The following LMNB2 variants were observed in gnomAD, a reference collection of about 807,000 sequenced individuals.
LMNB2 encodes lamin B2.
Under a neutral mutation model 69.3 loss-of-function variants are expected in LMNB2, and 17 were observed. The observed-to-expected ratio is 0.25, with a 90% CI of 0.17 to 0.37. The LOEUF is 0.37. Ranked by LOEUF, LMNB2 falls within the 10% of genes least tolerant of loss-of-function variation. LMNB2 has a pLI of 1.00. For synonymous variants in LMNB2, 397 were observed against 389.3 expected, an observed-to-expected ratio of 1.02 and a Z score of -0.23; for missense variants, 789 against 883.6, an observed-to-expected ratio of 0.89 and a Z score of 1.36.
chr19:2,441,352 T>C (rs1971898461), intron 2 of LMNB2, among the ~76,000 whole-genome samples: 1 of 152,202 alleles, frequency 6.6e-6, no homozygotes, highest in African/African-American at 2.4e-5. Context: ...CTGCTTGCTT[T>C]TGAGAGGCGT....
rs1972097654 is a variant in LMNB2, at chr19:2,456,876, T to C, written c.58A>G (p.Thr20Ala). 9.0e-7 allele frequency: 1 copy of C among 1,115,878 alleles called. No homozygotes were observed. Among genetic ancestry groups the C allele is most frequent in the Non-Finnish European group, 1.1e-6 (1 of 916,718 alleles). The allele number at this position is 1,115,878 out of a possible 1,614,324, so 69.1% of individuals were successfully genotyped here. The change falls in exon 1 of 12, where the codon ACC (threonine) becomes GCC (alanine). Residue 20 changes from threonine (T) to alanine (A), a missense_variant. By Grantham distance (58) the Thr-to-Ala change is moderately conservative. Transcript: ENST00000325327. The part of the protein sequence containing the change: ...REQRRPRAAA[T>A]MATPLPGRAG... ...CGGCCGGGCAGCGGCGTGGCCATGG[T>C]GGCGGCGGCTCGCGGCCTGCGCTGC...
chr19:2,446,834 A>G (rs1971961615), intron 1 of LMNB2, among the ~76,000 whole-genome samples: 1 of 152,148 alleles, frequency 6.6e-6, no homozygotes, highest in Admixed American at 6.6e-5. Flanking sequence ...ATTCACATCC[A>G]TGCATGTTTG....
intron 2 of LMNB2, among the ~76,000 whole-genome samples, chr19:2,442,589 T>TA (rs1039856780): frequency 5.9e-5 from 9 of 151,862 alleles, no homozygotes; most frequent in Non-Finnish European, 8.8e-5. Flanking sequence ...AAATAAAAAA[T>TA]AAAAAAAATT....
intron 2 of LMNB2, among the ~76,000 whole-genome samples, chr19:2,439,174 G>A (rs534631071): frequency 4.7e-5 from 7 of 149,754 alleles, no homozygotes; most frequent in East Asian, 2.0e-4. Context: ...GCGAGCCACC[G>A]CGTACGGCTG....
intron 1 of LMNB2, among the ~76,000 whole-genome samples, chr19:2,450,687 G>T (rs1391070284): frequency 6.6e-6 from 1 of 152,016 alleles, no homozygotes; most frequent in Non-Finnish European, 1.5e-5. Flanking sequence ...GCCCAGGCTG[G>T]AGTGCAGTGG....
At chr19:2,448,284 C>A (rs1971981612) in intron 1 of LMNB2, among the ~76,000 whole-genome samples, 1 of 152,182 alleles carries the variant, frequency 6.6e-6, no homozygotes, top group South Asian at 2.1e-4. Flanking sequence ...TCCCAAATAC[C>A]CCTAACCTCA....
chr19:2,456,210 T>C (rs1167959879), intron 1 of LMNB2, among the ~76,000 whole-genome samples: 1 of 144,078 alleles, frequency 6.9e-6, no homozygotes, highest in Non-Finnish European at 1.5e-5. Context: ...GCATCCCAGC[T>C]CAGGGTTCCC....
intron 8 of LMNB2, among the ~76,000 whole-genome samples, chr19:2,433,116 G>A (rs79021074): frequency 2.4e-5 from 3 of 126,320 alleles, no homozygotes; most frequent in African/African-American, 6.1e-5. Context: ...GCATTGGCCG[G>A]CGGCCCCGTC....
Position 2,456,917 on chromosome 19 carries a change from G to A in LMNB2, c.17C>T (p.Pro6Leu). 2.0e-6 allele frequency: 2 copies of A among 994,330 alleles called. No individual in the cohort carries two copies. Among genetic ancestry groups the A allele is most frequent in the Non-Finnish European group, 2.4e-6 (2 of 837,844 alleles). The allele number at this position is 994,330 out of a possible 1,614,324, so 61.6% of individuals were successfully genotyped here. A position where few individuals can be genotyped will look rare whatever the true frequency, so the allele number is the denominator to read the frequency against. ...CCTGCGCTGCTCCCGACGGCGGCCC[G>A]GGCTCGGCGGGCTCATTCAATCCGC... MSPPS[P>L]GRRREQRRPR... Residue 6 changes from proline to leucine, a missense_variant, in exon 1 of 12, where the codon CCG becomes CTG. Physicochemically the swap from Pro to Leu is moderately conservative, Grantham distance 98. Coordinates refer to ENST00000325327, the MANE Select transcript of LMNB2 (RefSeq NM_032737.4).
intron 6 of LMNB2, 34 bp downstream of exon 6, chr19:2,434,754 G>C (rs1254870759): frequency 6.3e-7 from 1 of 1,585,160 alleles, no homozygotes; most frequent in South Asian, 1.1e-5. Context: ...AGTTGGGCCA[G>C]GGGGACGGCA....
chr19:2,439,984 C>A (rs905767571), intron 2 of LMNB2, among the ~76,000 whole-genome samples: 1 of 151,766 alleles, frequency 6.6e-6, no homozygotes. Context: ...CTGCCCGCCT[C>A]GGCCTCCAAA....
chr19:2,430,764 G>A lies in LMNB2; in HGVS notation c.*147C>T, dbSNP rs1432612547. On this transcript the variant is annotated 3_prime_UTR_variant, in exon 12 of 12. Transcript: ENST00000325327. ...AGGCTGGAGGAGACCCGCCAGGAGGGAGGGCTGGGGGAGACCCACCCACAC... is the reference window on the plus strand; with the variant it reads ...AGGCTGGAGGAGACCCGCCAGGAGGAAGGGCTGGGGGAGACCCACCCACAC... The A allele has an allele frequency of 2.7e-6, 2 of 727,292 alleles. No individual in the cohort carries two copies. Among genetic ancestry groups the A allele is most frequent in the East Asian group, 5.3e-5 (2 of 37,900 alleles). The allele number at this position is 727,292 out of a possible 1,614,324, so 45.1% of individuals were successfully genotyped here.
chr19:2,456,146 T>G (rs1263435549), intron 1 of LMNB2, among the ~76,000 whole-genome samples: 1 of 148,304 alleles, frequency 6.7e-6, no homozygotes, highest in Non-Finnish European at 1.5e-5. Context: ...CACCTTTCAC[T>G]CAGGGACTCT....
In LMNB2 at chr19:2,433,874, C is replaced by A. The variant is rs1317586350; in HGVS notation, c.1434G>T (p.Glu478Asp). The change falls in exon 8 of 12, where the codon GAG (glutamate) becomes GAT (aspartate). Residue 478 changes from glutamate (E) to aspartate (D), a missense_variant. Physicochemically the swap from Glu to Asp is conservative, Grantham distance 45. This residue lies in a region of LMNB2 where 609 missense variants were observed against 630.9 expected (regional missense o/e 0.97). Coordinates refer to ENST00000325327, the MANE Select transcript of LMNB2 (RefSeq NM_032737.4). Reference protein sequence around the residue: ...ASASGSVSIEEIDLEGKFVQL... With the variant: ...ASASGSVSIEDIDLEGKFVQL... ...GCACAAACTTGCCCTCCAGGTCGATCTCCTCGATGCTGACGCTACCCGAGG... is the reference window on the plus strand; with the variant it reads ...GCACAAACTTGCCCTCCAGGTCGATATCCTCGATGCTGACGCTACCCGAGG... The A allele has an allele frequency of 1.2e-6, 2 of 1,613,244 alleles. No individual in the cohort carries two copies. The highest frequency in any genetic ancestry group is 1.7e-6 in the Non-Finnish European group (2 of 1,179,898).
intron 2 of LMNB2, 32 bp from the exon 3 acceptor site, chr19:2,438,563 G>T: frequency 6.2e-7 from 1 of 1,601,876 alleles, no homozygotes; most frequent in East Asian, 2.2e-5. Flanking sequence ...GAGTGGGGAG[G>T]GGCAAGGTCC....
rs184655049 is a variant in LMNB2 at position 2,436,351 on chromosome 19, A to C, written c.685-1180T>G. Among the ~76,000 whole-genome samples, 837 of 152,180 alleles carry C rather than the reference A, an allele frequency of 5.5e-3. 1 individual carries two copies. Among genetic ancestry groups the C allele is most frequent in the African/African-American group, 0.018 (766 of 41,476 alleles). On this transcript the variant is annotated intron_variant, in intron 4 of 11. Coordinates refer to ENST00000325327, the MANE Select transcript of LMNB2 (RefSeq NM_032737.4). ...CCCAGCTACTCGGGAGGCTGGGCCC[A>C]GTGTGGGCAACAGAGCAAGACTCCA...
At chr19:2,452,022 C>T (rs545672384) in intron 1 of LMNB2, among the ~76,000 whole-genome samples, 1 of 152,126 alleles carries the variant, frequency 6.6e-6, no homozygotes, top group Non-Finnish European at 1.5e-5. Context: ...GCCTCTCCCG[C>T]GCCTGGACAC....
Position 2,430,419 on chromosome 19 carries a change from C to T in LMNB2, c.*492G>A, listed in dbSNP as rs546993627. ...GCTGCGTGGCTGCCTGAGGAGTTCCCGCTGTCCGAAGCTGGGCAGCCAGAA... is the reference window on the plus strand; with the variant it reads ...GCTGCGTGGCTGCCTGAGGAGTTCCTGCTGTCCGAAGCTGGGCAGCCAGAA... On this transcript the variant is annotated 3_prime_UTR_variant, in exon 12 of 12. Coordinates refer to ENST00000325327, the MANE Select transcript of LMNB2 (RefSeq NM_032737.4). The T allele has an allele frequency of 3.4e-5, 8 of 234,952 alleles. No individual in the cohort carries two copies. Among genetic ancestry groups the T allele is most frequent in the Admixed American group, 1.5e-4 (3 of 19,372 alleles). The allele number at this position is 234,952 out of a possible 1,614,324, so 14.6% of individuals were successfully genotyped here. A position where few individuals can be genotyped will look rare whatever the true frequency, so the allele number is the denominator to read the frequency against.
rs753730680 is a variant in LMNB2, at chr19:2,434,024, G to A, written c.1284C>T (p.Thr428=). 13 of 1,604,570 alleles carry A rather than the reference G, an allele frequency of 8.1e-6. No homozygotes were observed. The highest frequency in any genetic ancestry group is 5.5e-5 in the South Asian group (5 of 90,476). Residue 428 remains threonine, a synonymous_variant, in exon 8 of 12, where the codon ACC becomes ACT. Transcript: ENST00000325327. ...TSSSSGSLSA[T]GRLGRSKRKR... is the part of the protein sequence containing the mutation. ...TCCGCTTACTGCGGCCCAGGCGCCC[G>A]GTGGCGGACAAGCTGCCGCTGCTGC...
Sources: allele counts gnomAD v4.1 joint callset (sites outside exome capture counted in the v4.1 genomes callset), GRCh38; gene constraint gnomAD v4.1.1; regional missense constraint gnomAD v4.1.1; transcripts MANE v1.5; gene names NCBI Gene and HGNC (gene_info 2026-07-23, HGNC 2026-07-21).